Variants in CEP192 observed in about 807,000 individuals in gnomAD.
The protein encoded by CEP192 is centrosomal protein of 192 kDa.
In CEP192, 151 loss-of-function variants were observed where a neutral mutation model predicts 271.8. The observed-to-expected ratio is 0.56, with a 90% CI of 0.49 to 0.64. CEP192 has a LOEUF of 0.64. Ranked by LOEUF, CEP192 falls within the 30% of genes least tolerant of loss-of-function variation. The probability of loss-of-function intolerance (pLI) is 0.00; values close to 1 mark genes in which losing one functional copy is unlikely to be tolerated. For missense variants in CEP192, 2,910 were observed against 3,020.5 expected (o/e 0.96, Z 0.86); for synonymous variants, 995 against 1,076.5 (o/e 0.92, Z 1.48).
At chr18:13,020,360 A>G (rs919925038) in intron 9 of CEP192, among the ~76,000 whole-genome samples, 2 of 152,140 alleles carry the variant, frequency 1.3e-5, no homozygotes, top group Admixed American at 6.6e-5. Context: ...GGCTTATTTT[A>G]TTAAGCGTGA....
At position 13,092,497 on chromosome 18, in the gene CEP192, C is replaced by G; in HGVS notation, c.6224C>G (p.Pro2075Arg). 6.2e-7 allele frequency: 1 copy of G among 1,607,940 alleles called. No homozygotes were observed. The highest frequency in any genetic ancestry group is 8.5e-7 in the Non-Finnish European group (1 of 1,177,616). ...ATTTCTAGCAGAGAATTCCTTCAGCCTTCTTCCAAAGCTAGCTTGGAATCT... is the reference window on the plus strand; with the variant it reads ...ATTTCTAGCAGAGAATTCCTTCAGCGTTCTTCCAAAGCTAGCTTGGAATCT... ...DCISSREFLQPSSKASLESTS... is the reference protein window; with the variant it reads ...DCISSREFLQRSSKASLESTS... The change falls in exon 34 of 45, where the codon CCT (proline) becomes CGT (arginine). Residue 2075 changes from proline (P) to arginine (R), a missense_variant. Physicochemically the swap from Pro to Arg is moderately radical, Grantham distance 103. Coordinates refer to ENST00000506447, the MANE Select transcript of CEP192 (RefSeq NM_032142.4).
chr18:13,121,908 T>C (rs999016831), intron 44 of CEP192, among the ~76,000 whole-genome samples: 1 of 152,278 alleles, frequency 6.6e-6, no homozygotes, highest in African/African-American at 2.4e-5. Flanking sequence ...GAACAAATTT[T>C]ATTACCTTTT....
chr18:13,093,563 G>C (rs908174291), intron 34 of CEP192, among the ~76,000 whole-genome samples: 3 of 152,204 alleles, frequency 2.0e-5, no homozygotes, highest in African/African-American at 7.2e-5. Context: ...GCCTGGAGAA[G>C]TCTGGGACTG....
intron 36 of CEP192, among the ~76,000 whole-genome samples, chr18:13,098,142 T>A (rs866669500): frequency 6.6e-6 from 1 of 152,236 alleles, no homozygotes; most frequent in African/African-American, 2.4e-5. Context: ...CATAGCCCGT[T>A]CTCGATGAGC....
Position 13,018,606 on chromosome 18 carries a change from C to T in CEP192, c.916C>T (p.Pro306Ser). Residue 306 changes from proline (P) to serine (S), a missense_variant, in exon 8 of 45, where the codon CCT becomes TCT. Physicochemically the swap from Pro to Ser is moderately conservative, Grantham distance 74. Coordinates refer to ENST00000506447, the MANE Select transcript of CEP192 (RefSeq NM_032142.4). The part of the protein sequence containing the change: ...ESEESQVICL[P>S]GTSNSIGTGD... ...TGAGGAAAGCCAAGTTATTTGTCTACCTGGGACTAGTAAGTATAGAAATAT... is the reference window on the plus strand; with the variant it reads ...TGAGGAAAGCCAAGTTATTTGTCTATCTGGGACTAGTAAGTATAGAAATAT... The T allele has an allele frequency of 7.9e-6, 12 of 1,525,830 alleles. No homozygotes were observed. The highest frequency in any genetic ancestry group is 1.1e-5 in the Non-Finnish European group (12 of 1,132,962). The allele number at this position is 1,525,830 out of a possible 1,614,324, so 94.5% of individuals were successfully genotyped here. A position where few individuals can be genotyped will look rare whatever the true frequency, so the allele number is the denominator to read the frequency against.
At chr18:13,005,098 C>T (rs2033898579) in intron 3 of CEP192, among the ~76,000 whole-genome samples, 1 of 151,970 alleles carries the variant, frequency 6.6e-6, no homozygotes, top group Non-Finnish European at 1.5e-5. Flanking sequence ...GGAAGTGGCA[C>T]TGAGGGCAAG....
chr18:13,103,481 T>C, intron 38 of CEP192, 28 bp from the exon 39 acceptor site: 1 of 1,582,764 alleles, frequency 6.3e-7, no homozygotes, highest in Admixed American at 1.7e-5. Context: ...TCTCCGAGTT[T>C]GAGTTATGAT....
At position 13,099,597 on chromosome 18, in the gene CEP192, G is replaced by T; in HGVS notation, c.6663+16G>T. On this transcript the variant is annotated intron_variant, in intron 37 of 44. Transcript: ENST00000506447. ...TGGACAGAAGGTACTTTTAAAAGTGGTTTGGTTTTTTTTTTGAGTGACAAT... is the reference window on the plus strand; with the variant it reads ...TGGACAGAAGGTACTTTTAAAAGTGTTTTGGTTTTTTTTTTGAGTGACAAT... The T allele has an allele frequency of 1.4e-6, 2 of 1,385,112 alleles. No homozygotes were observed. Among genetic ancestry groups the T allele is most frequent in the Non-Finnish European group, 2.0e-6 (2 of 1,007,680 alleles). 85.8% of individuals were successfully genotyped at this position (1,385,112 alleles called of 1,614,324 possible). A position where few individuals can be genotyped will look rare whatever the true frequency, so the allele number is the denominator to read the frequency against.
rs761680474 is a variant in CEP192 at position 13,059,073 on chromosome 18, T to C, written c.4258-9T>C. 3 of 1,595,690 alleles carry C rather than the reference T, an allele frequency of 1.9e-6. No individual in the cohort carries two copies. The highest frequency in any genetic ancestry group is 2.6e-6 in the Non-Finnish European group (3 of 1,163,532). On this transcript the variant is annotated splice_polypyrimidine_tract_variant and intron_variant, in intron 20 of 44. Coordinates refer to ENST00000506447, the MANE Select transcript of CEP192 (RefSeq NM_032142.4). ...CATTAATAACGAACTTTATGGCTCT[T>C]TTTTGAAGGTGGATCTTTCAACATA...
At chr18:13,059,811 T>C (rs1205311385) in intron 21 of CEP192, among the ~76,000 whole-genome samples, 1 of 152,116 alleles carries the variant, frequency 6.6e-6, no homozygotes, top group African/African-American at 2.4e-5. Context: ...CTTCTAAATG[T>C]ACCCCAATAC....
At chr18:13,016,537 AAAT>A (rs1167997991) in intron 6 of CEP192, among the ~76,000 whole-genome samples, 1 of 152,188 alleles carries the variant, frequency 6.6e-6, no homozygotes, top group Non-Finnish European at 1.5e-5. Flanking sequence ...AATAGTGGAT[AAAT>A]AATCATTGAC....
intron 17 of CEP192, 96 bp from the exon 18 acceptor site, chr18:13,052,823 A>T: frequency 1.2e-6 from 1 of 864,008 alleles, no homozygotes; most frequent in East Asian, 2.6e-5. Flanking sequence ...TGGTTGAGTC[A>T]TTTGCAAGAT....
intron 9 of CEP192, among the ~76,000 whole-genome samples, chr18:13,023,935 A>C (rs1315398628): frequency 6.6e-6 from 1 of 152,030 alleles, no homozygotes; most frequent in Admixed American, 6.6e-5. Context: ...CTATTTCGTG[A>C]GTTTTTTTCT....
At chr18:13,017,141 G>A in intron 6 of CEP192, 47 bp from the exon 7 acceptor site, 2 of 1,428,842 alleles carry the variant, frequency 1.4e-6, no homozygotes, top group Non-Finnish European at 1.9e-6. Context: ...TTATTGCTTA[G>A]TCACTACTTT....
At chr18:13,069,696 T>C (rs764814592) in intron 26 of CEP192, 42 bp from the exon 27 acceptor site, 1 of 1,215,588 alleles carries the variant, frequency 8.2e-7, no homozygotes, top group South Asian at 1.2e-5. Context: ...AACTGCGTTT[T>C]TGTAAGTCGG....
intron 44 of CEP192, among the ~76,000 whole-genome samples, chr18:13,123,579 G>A (rs1568454863): frequency 6.6e-6 from 1 of 152,098 alleles, no homozygotes; most frequent in Non-Finnish European, 1.5e-5. Context: ...GCTCTGAGAC[G>A]AGACTAAGGG....
chr18:13,073,198 T>G lies in CEP192; in HGVS notation c.5616+13T>G, dbSNP rs2038105137. On this transcript the variant is annotated intron_variant, in intron 30 of 44. Transcript: ENST00000506447. Reference sequence around the variant, plus strand: ...CATTAAGTTCACAGTAAGATCATTTTATTGCCTTTCCCTTCCCCTGGAGTT... The same window carrying G: ...CATTAAGTTCACAGTAAGATCATTTGATTGCCTTTCCCTTCCCCTGGAGTT... 1.3e-6 allele frequency: 2 copies of G among 1,591,730 alleles called. No individual in the cohort carries two copies. The highest frequency in any genetic ancestry group is 1.7e-6 in the Non-Finnish European group (2 of 1,171,016).
At chr18:13,062,526 AT>A (rs35231926) in intron 21 of CEP192, among the ~76,000 whole-genome samples, 6,668 of 145,280 alleles carry the variant, frequency 0.046, 213 homozygotes, top group East Asian at 0.14. Context: ...GTACTGTTAG[AT>A]TTTTTTTTTT....
At chr18:12,993,249 G>T (rs76778024) in intron 1 of CEP192, among the ~76,000 whole-genome samples, 1 of 152,136 alleles carries the variant, frequency 6.6e-6, no homozygotes, top group South Asian at 2.1e-4. Flanking sequence ...TAAAGATAAC[G>T]GCGGGAATGA....
Sources: gnomAD v4.1 joint callset for allele counts (sites outside exome capture counted in the v4.1 genomes callset) on GRCh38, gnomAD v4.1.1 for gene constraint, MANE v1.5 for transcripts, NCBI Gene and HGNC (gene_info 2026-07-23, HGNC 2026-07-21) for gene names.